The following DNAH7 variants were observed in gnomAD, a reference collection of about 807,000 sequenced individuals.
The protein encoded by DNAH7 is dynein axonemal heavy chain 7.
A neutral mutation model predicts 444.6 loss-of-function variants in DNAH7; 397 were observed. The observed-to-expected ratio is 0.89, with a 90% CI of 0.82 to 0.97. The LOEUF (loss-of-function observed/expected upper bound fraction) is 0.97, where lower values mean the gene tolerates loss of function less well. DNAH7 is among the 50% of genes least tolerant of loss of function. DNAH7 has a pLI of 0.00. For synonymous variants in DNAH7, 1,636 were observed against 1,624.4 expected (o/e 1.01, Z -0.17); for missense variants, 4,902 against 4,800.8 (o/e 1.02, Z -0.62).
Position 195,858,481 on chromosome 2 carries a change from G to C in DNAH7, c.8060C>G (p.Thr2687Ser). ...GTATGGCGAAGCTCTTACCTGTGCA[G>C]TAAGAGTATCAAGGGCGGCCAGTGC... Reference protein sequence around the residue: ...ESALAALDTLTAQDITVVKSM... With the variant: ...ESALAALDTLSAQDITVVKSM... Residue 2687 changes from threonine to serine, a missense_variant, in exon 43 of 65, where the codon ACT becomes AGT. Coordinates refer to ENST00000312428, the MANE Select transcript of DNAH7 (RefSeq NM_018897.3). 6.2e-7 allele frequency: 1 copy of C among 1,601,440 alleles called. No individual in the cohort carries two copies. The highest frequency in any genetic ancestry group is 8.5e-7 in the Non-Finnish European group (1 of 1,173,718).
chr2:195,792,392 A>AC (rs1440135774), intron 57 of DNAH7, among the ~76,000 whole-genome samples: 4 of 79,386 alleles, frequency 5.0e-5, no homozygotes, highest in African/African-American at 2.0e-4. Flanking sequence ...AAAACCAAAA[A>AC]ATACACACAC....
intron 64 of DNAH7, among the ~76,000 whole-genome samples, chr2:195,738,636 CA>C (rs1692799421): frequency 6.6e-6 from 1 of 152,118 alleles, no homozygotes; most frequent in South Asian, 2.1e-4. Context: ...TTTATAACCA[CA>C]ATCTATACCC....
intron 21 of DNAH7, among the ~76,000 whole-genome samples, chr2:195,930,442 C>T (rs1002349201): frequency 9.9e-5 from 15 of 152,134 alleles, no homozygotes; most frequent in Non-Finnish European, 1.9e-4. Context: ...ACATCACTAA[C>T]CATCAGAAAA....
intron 5 of DNAH7, among the ~76,000 whole-genome samples, chr2:196,029,836 C>T (rs1481522365): frequency 6.6e-6 from 1 of 151,690 alleles, no homozygotes; most frequent in Non-Finnish European, 1.5e-5. Flanking sequence ...TACTTTATTT[C>T]TCAAAAATGA....
At chr2:195,847,624 AT>A (rs762287188) in intron 46 of DNAH7, among the ~76,000 whole-genome samples, 58 of 152,046 alleles carry the variant, frequency 3.8e-4, no homozygotes, top group Non-Finnish European at 8.2e-4. Context: ...AAACCTGCAC[AT>A]GTACCCCTGA....
chr2:196,016,109 C>T (rs1394337026), intron 9 of DNAH7, among the ~76,000 whole-genome samples: 1 of 152,126 alleles, frequency 6.6e-6, no homozygotes, highest in African/African-American at 2.4e-5. Flanking sequence ...TTTCTTCCCC[C>T]TTTTCATTTT....
chr2:195,759,362 G>A (rs1694238498), intron 61 of DNAH7, among the ~76,000 whole-genome samples: 1 of 152,138 alleles, frequency 6.6e-6, no homozygotes. Context: ...GCTGACTAAG[G>A]AGCTCTTGGC....
At chr2:195,859,433 A>G (rs1699896199) in intron 42 of DNAH7, among the ~76,000 whole-genome samples, 1 of 152,192 alleles carries the variant, frequency 6.6e-6, no homozygotes, top group Non-Finnish European at 1.5e-5. Context: ...ATTTTAATGT[A>G]GTCAAAAATT....
At chr2:195,987,332 A>T (rs1692987458) in intron 13 of DNAH7, 139 bp from the exon 14 acceptor site, 2 of 572,766 alleles carry the variant, frequency 3.5e-6, no homozygotes, top group Non-Finnish European at 2.9e-6. Flanking sequence ...TAATTCAGGG[A>T]GGGTTTTCCA....
chr2:195,914,486 C>T (rs1324985447), intron 24 of DNAH7, among the ~76,000 whole-genome samples: 4 of 152,198 alleles, frequency 2.6e-5, no homozygotes, highest in African/African-American at 7.2e-5. Flanking sequence ...CTGTGCCATA[C>T]AATTGGCATG....
rs1469612721 is a variant in DNAH7, at chr2:195,960,341, T to G, written c.2810A>C (p.Gln937Pro). ...AATAATATGGTCATCCAACAACATCTGAATTTCATCAACTGATGCCAAAAT... is the reference window on the plus strand; with the variant it reads ...AATAATATGGTCATCCAACAACATCGGAATTTCATCAACTGATGCCAAAAT... ...TFILASVDEI[Q>P]MLLDDHIIKT... Residue 937 changes from glutamine (Q) to proline (P), a missense_variant, in exon 18 of 65, where the codon CAG becomes CCG. Gln to Pro is a moderately conservative substitution (Grantham distance 76). Coordinates refer to ENST00000312428, the MANE Select transcript of DNAH7 (RefSeq NM_018897.3). 1 of 1,613,942 alleles carries G rather than the reference T, an allele frequency of 6.2e-7. No homozygotes were observed. Among genetic ancestry groups the G allele is most frequent in the African/African-American group, 1.3e-5 (1 of 74,952 alleles).
Position 195,816,667 on chromosome 2 carries a change from G to A in DNAH7, c.9722C>T (p.Ser3241Phe), listed in dbSNP as rs762255560. ...TTCTGATTTCTCTGAATTTTCAATA[G>A]ACAGGATGAAAAGGTTAATAAACCA... ...LTWFINLFIL[S>F]IENSEKSEIL... Residue 3241 changes from serine (S) to phenylalanine (F), a missense_variant, in exon 51 of 65, where the codon TCT (serine) becomes TTT (phenylalanine). Ser to Phe is a radical substitution (Grantham distance 155). Transcript: ENST00000312428. 1 of 1,613,190 alleles carries A rather than the reference G, an allele frequency of 6.2e-7. No individual in the cohort carries two copies. The highest frequency in any genetic ancestry group is 8.5e-7 in the Non-Finnish European group (1 of 1,179,694).
At position 195,960,678 on chromosome 2, in the gene DNAH7, T is replaced by C. The variant is rs6719500; in HGVS notation, c.2473A>G (p.Lys825Glu). 216,123 of 1,614,048 alleles carry C rather than the reference T, an allele frequency of 0.13. 15,671 individuals carry two copies. The highest frequency in any genetic ancestry group is 0.27 in the African/African-American group (20,573 of 74,980). The change falls in exon 18 of 65, where the codon AAA becomes GAA. Residue 825 changes from lysine to glutamate, a missense_variant. Lys to Glu is a moderately conservative substitution (Grantham distance 56). Coordinates refer to ENST00000312428, the MANE Select transcript of DNAH7 (RefSeq NM_018897.3). ...TCTTCCACCTTTGATCTTACTTTTT[T>C]TGTCATTGCCAATGCATATGGAGAA... ...HDSPYALAMT[K>E]KVRSKVEDFK...
intron 12 of DNAH7, among the ~76,000 whole-genome samples, chr2:195,997,815 C>CA (rs1391763552): frequency 6.6e-6 from 1 of 152,106 alleles, no homozygotes; most frequent in Admixed American, 6.5e-5. Context: ...TGATACCCTA[C>CA]ATATCACTTG....
At chr2:195,805,569 T>A (rs1696670075) in intron 54 of DNAH7, among the ~76,000 whole-genome samples, 1 of 151,870 alleles carries the variant, frequency 6.6e-6, no homozygotes, top group Admixed American at 6.6e-5. Context: ...CATAAGAGAG[T>A]GGGGTAGCAG....
rs188323223 is a variant in DNAH7 at position 196,006,885 on chromosome 2, C to T, written c.990-5027G>A. 3.6e-3 allele frequency among the ~76,000 whole-genome samples: 554 copies of T among 151,970 alleles called. 1 individual carries two copies. Among genetic ancestry groups the T allele is most frequent in the Non-Finnish European group, 6.0e-3 (406 of 67,958 alleles). The stretch of plus-strand genomic sequence containing the variant: ...CATTTAATACATATAAAATTACATA[C>T]ATAATTACATACAAAAAATGTAATA... On this transcript the variant is annotated intron_variant, in intron 10 of 64. Coordinates refer to ENST00000312428, the MANE Select transcript of DNAH7 (RefSeq NM_018897.3).
chr2:196,064,254 T>C (rs1415801788), intron 1 of DNAH7, among the ~76,000 whole-genome samples: 1 of 151,414 alleles, frequency 6.6e-6, no homozygotes, highest in Non-Finnish European at 1.5e-5. Flanking sequence ...AGGTGGAGGA[T>C]GCAGTGAGCC....
intron 46 of DNAH7, among the ~76,000 whole-genome samples, chr2:195,852,915 CAGAGAGAGAGAGAGAGAGAG>C (rs201538951): frequency 1.2e-5 from 1 of 84,584 alleles, no homozygotes; most frequent in Non-Finnish European, 3.1e-5. Flanking sequence ...CACACACACA[CAGAGAGAGAGAGAGAGAGAG>C]AGAGAGAGAG....
intron 61 of DNAH7, among the ~76,000 whole-genome samples, chr2:195,771,195 C>A (rs1205037004): frequency 6.6e-6 from 1 of 151,938 alleles, no homozygotes; most frequent in Non-Finnish European, 1.5e-5. Flanking sequence ...AATAAAATAG[C>A]CAGGCTTGGT....
Sources: gnomAD v4.1 joint callset for allele counts (sites outside exome capture counted in the v4.1 genomes callset) on GRCh38, gnomAD v4.1.1 for gene constraint, MANE v1.5 for transcripts, NCBI Gene and HGNC (gene_info 2026-07-23, HGNC 2026-07-21) for gene names.